The following KIAA1217 variants were observed in gnomAD, a reference collection of about 807,000 sequenced individuals.
The protein encoded by KIAA1217 is KIAA1217, also known as sickle tail protein homolog.
Under a neutral mutation model 163.9 loss-of-function variants are expected in KIAA1217, and 88 were observed. The observed-to-expected ratio is 0.54, with a 90% CI of 0.45 to 0.64. The LOEUF (loss-of-function observed/expected upper bound fraction) is 0.64, where lower values mean the gene tolerates loss of function less well. KIAA1217 is among the 30% of genes least tolerant of loss of function. The probability of loss-of-function intolerance (pLI) is 0.00; values close to 1 mark genes in which losing one functional copy is unlikely to be tolerated. For missense variants in KIAA1217, 2,372 were observed against 2,475.0 expected, an observed-to-expected ratio of 0.96 and a Z score of 0.88; for synonymous variants, 903 against 923.1, an observed-to-expected ratio of 0.98 and a Z score of 0.39.
At chr10:24,354,738 C>CTCTGCTCCTCTGCTCT (rs147458402) in intron 2 of KIAA1217, among the ~76,000 whole-genome samples, 53,653 of 149,384 alleles carry the variant, frequency 0.36, 10,558 homozygotes, top group Middle Eastern at 0.46. Flanking sequence ...CTCTTCTCTC[C>CTCTGCTCCTCTGCTCT]TCTGCTCCTC....
chr10:23,832,018 C>T (rs1588907055), intron 1 of KIAA1217, among the ~76,000 whole-genome samples: 1 of 152,152 alleles, frequency 6.6e-6, no homozygotes, highest in Non-Finnish European at 1.5e-5. Context: ...CTAGTGGACA[C>T]CAACTGGGTA....
chr10:23,855,095 G>T (rs968847967), intron 1 of KIAA1217, among the ~76,000 whole-genome samples: 3 of 152,156 alleles, frequency 2.0e-5, no homozygotes, highest in African/African-American at 7.2e-5. Flanking sequence ...AGTTGATGCA[G>T]TTTCTTCCTA....
intron 2 of KIAA1217, among the ~76,000 whole-genome samples, chr10:24,113,776 C>T (rs779271240): frequency 3.3e-5 from 5 of 152,192 alleles, no homozygotes; most frequent in Admixed American, 6.5e-5. Flanking sequence ...CCATGCCTCC[C>T]GGCTTTTGGG....
rs142989783 is a variant in KIAA1217 at position 24,438,910 on chromosome 10, C to T, written c.846+431C>T. ...ACTCTTACATTAGCTCTTCCAAGTT[C>T]TAACATTCTAATTCAATTTCTCACC... On this transcript the variant is annotated intron_variant, in intron 5 of 20. Transcript: ENST00000376454. Among the ~76,000 whole-genome samples, 227 of 152,304 alleles carry T rather than the reference C, an allele frequency of 1.5e-3. 1 individual carries two copies. The highest frequency in any genetic ancestry group is 4.9e-3 in the African/African-American group (205 of 41,562).
intron 1 of KIAA1217, among the ~76,000 whole-genome samples, chr10:23,832,269 A>T (rs1173760612): frequency 2.0e-5 from 3 of 152,190 alleles, no homozygotes; most frequent in African/African-American, 4.8e-5. Context: ...CTGGTCTATT[A>T]TAAAGATTAT....
chr10:24,373,877 GTA>G (rs2052064689), intron 2 of KIAA1217, among the ~76,000 whole-genome samples: 1 of 152,174 alleles, frequency 6.6e-6, no homozygotes, highest in Admixed American at 6.5e-5. Flanking sequence ...CGGGTAATGG[GTA>G]TCACTGCCCT....
At chr10:23,978,933 G>T (rs1185115011) in intron 1 of KIAA1217, among the ~76,000 whole-genome samples, 1 of 152,112 alleles carries the variant, frequency 6.6e-6, no homozygotes, top group Non-Finnish European at 1.5e-5. Flanking sequence ...AAGAAGAGTA[G>T]TCTGAATGTA....
chr10:24,495,215 AGCTGTAGGAG>A lies in KIAA1217; in HGVS notation c.1834+22_1834+31del. ...AGTGCAGGTAAGTAAGTGTTTTTGG[AGCTGTAGGAG>A]GCCTGTGGGCTGCCTGGGATGAGCC... On this transcript the variant is annotated intron_variant, in intron 8 of 20. Transcript: ENST00000376454. The A allele has an allele frequency of 6.2e-7, 1 of 1,607,438 alleles. No homozygotes were observed. Among genetic ancestry groups the A allele is most frequent in the Non-Finnish European group, 8.5e-7 (1 of 1,176,774 alleles).
chr10:23,859,799 G>T (rs971570368), intron 1 of KIAA1217, among the ~76,000 whole-genome samples: 2 of 151,620 alleles, frequency 1.3e-5, no homozygotes, highest in Non-Finnish European at 2.9e-5. Context: ...CCTCATTAAA[G>T]TGTCACTGTG....
In KIAA1217 at chr10:24,542,869, G is replaced by A. The variant is rs186307617; in HGVS notation, c.3613-14G>A. ...TTAACGTGTGTGGTTTCCCTCCTCC[G>A]TTCTCCCTCTCAGGTTACCACAGGG... On this transcript the variant is annotated splice_polypyrimidine_tract_variant and intron_variant, in intron 18 of 20. Transcript: ENST00000376454. 8.2e-5 allele frequency: 132 copies of A among 1,609,066 alleles called. No individual in the cohort carries two copies. The East Asian group carries it at 1.8e-3, about 22-fold the overall frequency.
chr10:24,018,629 A>G (rs112382906), intron 2 of KIAA1217, among the ~76,000 whole-genome samples: 3 of 152,088 alleles, frequency 2.0e-5, no homozygotes, highest in African/African-American at 7.2e-5. Context: ...AAGTATAGCC[A>G]TTCTAGAAAA....
chr10:24,191,000 C>A (rs2066691482), intron 2 of KIAA1217, among the ~76,000 whole-genome samples: 1 of 151,864 alleles, frequency 6.6e-6, no homozygotes, highest in Non-Finnish European at 1.5e-5. Context: ...TCAAGACCAG[C>A]CTGGCCAACA....
At chr10:24,129,932 GT>G (rs775488149) in intron 2 of KIAA1217, among the ~76,000 whole-genome samples, 21 of 152,066 alleles carry the variant, frequency 1.4e-4, no homozygotes, top group Non-Finnish European at 2.8e-4. Flanking sequence ...TAGGCTGCAT[GT>G]GTCTCTGCCC....
rs1219637352 is a variant in KIAA1217, at chr10:24,432,141, T to C, written c.554-854T>C. On this transcript the variant is annotated intron_variant, in intron 3 of 20. Coordinates refer to ENST00000376454, the MANE Select transcript of KIAA1217 (RefSeq NM_019590.5). ...TCCTTTTTTTTTTTTTTTTTTTTTTTAAGATGGAGTCTTACTCTATCGCCC... is the reference window on the plus strand; with the variant it reads ...TCCTTTTTTTTTTTTTTTTTTTTTTCAAGATGGAGTCTTACTCTATCGCCC... Among the ~76,000 whole-genome samples, 10 of 120,812 alleles carry C rather than the reference T, an allele frequency of 8.3e-5. No individual in the cohort carries two copies. In the South Asian group the frequency reaches 1.8e-3, roughly 22 times the overall value. The allele number at this position is 120,812 out of a possible 152,430, so 79.3% of individuals were successfully genotyped here.
chr10:23,916,815 T>C (rs1355088026), intron 1 of KIAA1217, among the ~76,000 whole-genome samples: 4 of 151,834 alleles, frequency 2.6e-5, no homozygotes, highest in Non-Finnish European at 4.4e-5. Context: ...TTAATAAAAA[T>C]ACAAAAATTA....
intron 3 of KIAA1217, among the ~76,000 whole-genome samples, chr10:24,387,757 A>G (rs945016733): frequency 1.8e-4 from 27 of 152,122 alleles, no homozygotes; most frequent in African/African-American, 5.1e-4. Context: ...CTATACACCA[A>G]TAACAGACAA....
chr10:23,708,197 T>C (rs551262335), intron 1 of KIAA1217, among the ~76,000 whole-genome samples: 1 of 152,264 alleles, frequency 6.6e-6, no homozygotes, highest in South Asian at 2.1e-4. Flanking sequence ...ACTTATTCAC[T>C]ACCACGAGAA....
At chr10:24,215,271 G>A (rs1203807624) in intron 1 of KIAA1217, among the ~76,000 whole-genome samples, 1 of 152,156 alleles carries the variant, frequency 6.6e-6, no homozygotes, top group Non-Finnish European at 1.5e-5. Flanking sequence ...AGGAGGAGTT[G>A]CCCTGGGCTC....
chr10:23,932,621 G>A (rs1176430265), intron 1 of KIAA1217, among the ~76,000 whole-genome samples: 1 of 152,102 alleles, frequency 6.6e-6, no homozygotes, highest in Non-Finnish European at 1.5e-5. Context: ...TTTTCTTTAT[G>A]ATTTTTAGAT....
Sources: allele counts gnomAD v4.1 joint callset (sites outside exome capture counted in the v4.1 genomes callset), GRCh38; gene constraint gnomAD v4.1.1; transcripts MANE v1.5; gene names NCBI Gene and HGNC (gene_info 2026-07-23, HGNC 2026-07-21).